Variants in NUGGC observed in about 807,000 individuals in gnomAD.
The protein encoded by NUGGC is nuclear GTPase, germinal center associated.
Under a neutral mutation model 92.6 loss-of-function variants are expected in NUGGC, and 58 were observed. The ratio of observed to expected loss-of-function variants is 0.63; its 90% confidence interval spans 0.51 to 0.78. The LOEUF (loss-of-function observed/expected upper bound fraction) is 0.78. NUGGC is among the 30% of genes least tolerant of loss of function. NUGGC has a pLI of 0.00. For synonymous variants in NUGGC, 376 were observed against 366.4 expected (o/e 1.03, Z -0.30); for missense variants, 925 against 964.6 (o/e 0.96, Z 0.54).
intron 8 of NUGGC, among the ~76,000 whole-genome samples, chr8:28,059,603 C>T (rs1166121465): frequency 2.0e-5 from 3 of 152,150 alleles, no homozygotes. Flanking sequence ...CATCTAACCA[C>T]CATGGCACAT....
At position 28,025,989 on chromosome 8, in the gene NUGGC, C is replaced by T. The variant is rs530301561; in HGVS notation, c.2245+973G>A. Among the ~76,000 whole-genome samples the T allele has an allele frequency of 4.6e-5, 7 of 152,276 alleles. No homozygotes were observed. The East Asian group carries it at 9.7e-4, about 21-fold the overall frequency. On this transcript the variant is annotated intron_variant, in intron 18 of 18. Coordinates refer to ENST00000413272, the MANE Select transcript of NUGGC (RefSeq NM_001010906.2). ...ATTTTTATGCACATACAAACATATA[C>T]ATATGTATTTCCTTTTTTCCCCTCT...
intron 10 of NUGGC, among the ~76,000 whole-genome samples, chr8:28,052,030 G>A (rs1810019598): frequency 6.6e-6 from 1 of 152,296 alleles, no homozygotes; most frequent in South Asian, 2.1e-4. Flanking sequence ...AAGAAAAGAT[G>A]TGGAGCTAGA....
chr8:28,067,761 G>A lies in NUGGC; in HGVS notation c.481-17C>T. On this transcript the variant is annotated splice_polypyrimidine_tract_variant and intron_variant, in intron 5 of 18. Coordinates refer to ENST00000413272, the MANE Select transcript of NUGGC (RefSeq NM_001010906.2). ...CCTCCACTCCTGCCAAGGCAGAGTA[G>A]GGCCAAGCCCCTCTTGACACAGACA... The A allele has an allele frequency of 6.3e-7, 1 of 1,586,622 alleles. No individual in the cohort carries two copies. The highest frequency in any genetic ancestry group is 1.3e-5 in the African/African-American group (1 of 74,404).
intron 18 of NUGGC, among the ~76,000 whole-genome samples, chr8:28,025,887 C>A (rs561627085): frequency 2.0e-4 from 30 of 152,310 alleles, no homozygotes; most frequent in South Asian, 1.2e-3. Flanking sequence ...GGCTCCCACC[C>A]TCTCCTACCC....
chr8:28,041,311 A>G, intron 12 of NUGGC, 96 bp from the exon 13 acceptor site: 1 of 1,236,242 alleles, frequency 8.1e-7, no homozygotes. Context: ...CCAGCTCAAG[A>G]TTCAGCTTAT....
intron 3 of NUGGC, chr8:28,070,005 A>G (rs1399867723): frequency 1.4e-6 from 1 of 697,742 alleles, no homozygotes; most frequent in East Asian, 1.3e-4. Context: ...CACCAACCTC[A>G]TCATTTTCAC....
At position 28,070,412 on chromosome 8, in the gene NUGGC, CCT is replaced by C. The variant is rs1810559467; in HGVS notation, c.44-58_44-57del. The C allele has an allele frequency of 5.4e-6, 5 of 919,278 alleles. No homozygotes were observed. The South Asian group carries it at 7.3e-5, about 13-fold the overall frequency. The allele number at this position is 919,278 out of a possible 1,614,324, so 56.9% of individuals were successfully genotyped here. On this transcript the variant is annotated intron_variant, in intron 2 of 18. Transcript: ENST00000413272. ...TAGGTGTTGGGGTATGGTATTCTTG[CCT>C]CACCTCTATCAGCATAGAAACTCAA...
At chr8:28,062,158 T>A (rs1280282441) in intron 7 of NUGGC, among the ~76,000 whole-genome samples, 1 of 152,124 alleles carries the variant, frequency 6.6e-6, no homozygotes. Flanking sequence ...GAGAAACCCC[T>A]TGGATTATAG....
intron 10 of NUGGC, among the ~76,000 whole-genome samples, chr8:28,054,011 G>A (rs1563223138): frequency 6.6e-6 from 1 of 152,174 alleles, no homozygotes; most frequent in Admixed American, 6.5e-5. Flanking sequence ...GCAAAATACA[G>A]AAAGAAATTG....
chr8:28,028,836 T>A (rs1809337340), intron 17 of NUGGC, among the ~76,000 whole-genome samples: 2 of 152,190 alleles, frequency 1.3e-5, no homozygotes, highest in South Asian at 4.1e-4. Context: ...CATCTCCCTA[T>A]CTAAACAATC....
chr8:28,053,891 A>G (rs1810068066), intron 10 of NUGGC, among the ~76,000 whole-genome samples: 1 of 152,226 alleles, frequency 6.6e-6, no homozygotes, highest in Non-Finnish European at 1.5e-5. Flanking sequence ...GCCTGATAGA[A>G]TATTTTGGCT....
chr8:28,082,541 G>C (rs1022305055), intron 1 of NUGGC, among the ~76,000 whole-genome samples: 1 of 152,160 alleles, frequency 6.6e-6, no homozygotes, highest in Non-Finnish European at 1.5e-5. Context: ...ACACTGTTCT[G>C]TAAAATTCAA....
intron 2 of NUGGC, among the ~76,000 whole-genome samples, chr8:28,072,369 C>G (rs900469866): frequency 6.6e-6 from 1 of 152,170 alleles, no homozygotes; most frequent in Non-Finnish European, 1.5e-5. Flanking sequence ...GGCCAGCTAC[C>G]GGCTGAAGAA....
Position 28,068,362 on chromosome 8 carries a change from C to A in NUGGC, c.334G>T (p.Gly112Trp). 1 of 1,579,120 alleles carries A rather than the reference C, an allele frequency of 6.3e-7. No homozygotes were observed. The change falls in exon 5 of 19, where the codon GGG (glycine) becomes TGG (tryptophan). Residue 112 changes from glycine (G) to tryptophan (W), a missense_variant. Coordinates refer to ENST00000413272, the MANE Select transcript of NUGGC (RefSeq NM_001010906.2). ...YIALFGSTGA[G>W]KSSLINAIIQ... is the part of the protein sequence containing the mutation. The stretch of plus-strand genomic sequence containing the variant: ...ATGGCATTGATCAGGGAGCTCTTCC[C>A]AGCCCCAGTGCTTCCAAATAATGCA...
At chr8:28,063,502 C>T (rs1290159662) in intron 7 of NUGGC, among the ~76,000 whole-genome samples, 1 of 152,182 alleles carries the variant, frequency 6.6e-6, no homozygotes, top group Non-Finnish European at 1.5e-5. Flanking sequence ...GAGCCACCGA[C>T]CAAGGGGAAG....
At chr8:28,058,695 T>C (rs951352782) in intron 8 of NUGGC, among the ~76,000 whole-genome samples, 2 of 151,628 alleles carry the variant, frequency 1.3e-5, no homozygotes, top group African/African-American at 4.8e-5. Flanking sequence ...AAATTAGATT[T>C]AATTATGTTA....
chr8:28,048,310 C>G (rs908624461), intron 10 of NUGGC, among the ~76,000 whole-genome samples: 3 of 152,154 alleles, frequency 2.0e-5, no homozygotes, highest in Admixed American at 6.5e-5. Context: ...TGAAATGTAT[C>G]CCCCTCCAAA....
intron 10 of NUGGC, among the ~76,000 whole-genome samples, chr8:28,054,541 T>C (rs1423157419): frequency 3.3e-5 from 5 of 152,122 alleles, no homozygotes; most frequent in Admixed American, 3.3e-4. Flanking sequence ...TTGTACCTAC[T>C]TTAGTGATAA....
In NUGGC at chr8:28,028,029, T is replaced by C. The variant is rs74690877; in HGVS notation, c.2155-977A>G. On this transcript the variant is annotated intron_variant, in intron 17 of 18. Transcript: ENST00000413272. ...CACCCATTGTGTAGAACTAAAATAT[T>C]TTAAAAAACTAAAAGTTAACTGGCG... is the stretch of plus-strand genomic sequence containing the variant. Among the ~76,000 whole-genome samples the C allele has an allele frequency of 5.2e-3, 790 of 151,770 alleles. 10 individuals carry two copies. The highest frequency in any genetic ancestry group is 0.019 in the African/African-American group (768 of 41,166).
Sources: allele counts gnomAD v4.1 joint callset (sites outside exome capture counted in the v4.1 genomes callset), GRCh38; gene constraint gnomAD v4.1.1; transcripts MANE v1.5; gene names NCBI Gene and HGNC (gene_info 2026-07-23, HGNC 2026-07-21).